SERINC5: variants seen among roughly 807,000 people sequenced by gnomAD.
SERINC5 encodes serine incorporator 5.
In SERINC5, 41 loss-of-function variants were observed where a neutral mutation model predicts 63.1. That is an observed-to-expected ratio of 0.65 (90% CI 0.51 to 0.84). The LOEUF (loss-of-function observed/expected upper bound fraction) is 0.84. SERINC5 is among the 40% of genes least tolerant of loss of function. The pLI, the probability that SERINC5 is intolerant of heterozygous loss-of-function variation, is 0.00. For missense variants in SERINC5, 523 were observed against 573.0 expected (o/e 0.91, Z 0.89); for synonymous variants, 222 against 215.2 (o/e 1.03, Z -0.28).
chr5:80,119,058 C>T (rs528003947), intron 11 of SERINC5, among the ~76,000 whole-genome samples: 4 of 152,242 alleles, frequency 2.6e-5, no homozygotes, highest in African/African-American at 9.6e-5. Flanking sequence ...ACCAGCCCCA[C>T]CATCACTCAC....
At chr5:80,199,135 T>C (rs569783200) in intron 2 of SERINC5, among the ~76,000 whole-genome samples, 2 of 152,300 alleles carry the variant, frequency 1.3e-5, no homozygotes, top group African/African-American at 4.8e-5. Context: ...CTGCAAGATG[T>C]GGTCATTTCA....
chr5:80,239,323 A>T (rs1351477845), intron 1 of SERINC5, among the ~76,000 whole-genome samples: 3 of 152,160 alleles, frequency 2.0e-5, no homozygotes, highest in Non-Finnish European at 2.9e-5. Flanking sequence ...AAACTGCCTG[A>T]CCATTATCCT....
At chr5:80,117,580 T>C (rs1399064812) in intron 11 of SERINC5, among the ~76,000 whole-genome samples, 1 of 150,086 alleles carries the variant, frequency 6.7e-6, no homozygotes. Flanking sequence ...TTGAATTATA[T>C]GCTGCCTTGT....
At chr5:80,198,238 C>T (rs1749626626) in intron 2 of SERINC5, among the ~76,000 whole-genome samples, 1 of 152,068 alleles carries the variant, frequency 6.6e-6, no homozygotes, top group Admixed American at 6.6e-5. Context: ...AATAAATAGC[C>T]CTTATGTTTT....
At chr5:80,160,940 A>G (rs1026463609) in intron 7 of SERINC5, among the ~76,000 whole-genome samples, 1 of 140,822 alleles carries the variant, frequency 7.1e-6, no homozygotes, top group Non-Finnish European at 1.5e-5. Flanking sequence ...GTGTGTATAT[A>G]TATGTGTATA....
intron 2 of SERINC5, among the ~76,000 whole-genome samples, chr5:80,178,764 C>T (rs1748223474): frequency 6.8e-6 from 1 of 148,144 alleles, no homozygotes; most frequent in Non-Finnish European, 1.5e-5. Flanking sequence ...ACTTCTTTTA[C>T]TATCCACCCA....
At chr5:80,192,515 GGAGA>G (rs1054090789) in intron 2 of SERINC5, among the ~76,000 whole-genome samples, 16 of 152,172 alleles carry the variant, frequency 1.1e-4, no homozygotes, top group African/African-American at 3.9e-4. Context: ...GGGAAGGAAT[GGAGA>G]GAGAATGTGT....
chr5:80,173,718 C>T (rs1247779717), intron 5 of SERINC5, among the ~76,000 whole-genome samples: 3 of 152,132 alleles, frequency 2.0e-5, no homozygotes, highest in African/African-American at 7.2e-5. Context: ...GAGGATCCAG[C>T]TCCTTGCTAC....
intron 8 of SERINC5, among the ~76,000 whole-genome samples, chr5:80,152,434 G>C (rs1267637490): frequency 2.0e-5 from 3 of 150,586 alleles, no homozygotes; most frequent in East Asian, 3.9e-4. Context: ...CTGGGAGGTT[G>C]TAGTGAGCAT....
chr5:80,118,544 CT>C (rs567887422), intron 11 of SERINC5, among the ~76,000 whole-genome samples: 2 of 151,576 alleles, frequency 1.3e-5, no homozygotes, highest in Admixed American at 6.6e-5. Flanking sequence ...CTTCTAGTCT[CT>C]TTTTTTTCTT....
At chr5:80,253,769 T>G (rs895761515) in intron 1 of SERINC5, among the ~76,000 whole-genome samples, 2 of 152,152 alleles carry the variant, frequency 1.3e-5, no homozygotes, top group Admixed American at 1.3e-4. Context: ...TTTCATTGTT[T>G]ACATGTTTAT....
At chr5:80,215,348 C>A (rs1401990608) in intron 1 of SERINC5, among the ~76,000 whole-genome samples, 1 of 152,174 alleles carries the variant, frequency 6.6e-6, no homozygotes, top group Non-Finnish European at 1.5e-5. Context: ...TTGGAAGCTT[C>A]CTGAGGCCTC....
chr5:80,174,074 T>C (rs1292929572), intron 5 of SERINC5, among the ~76,000 whole-genome samples: 1 of 151,822 alleles, frequency 6.6e-6, no homozygotes, highest in Non-Finnish European at 1.5e-5. Flanking sequence ...AGAACAAGCA[T>C]TAAAAGGGGC....
At chr5:80,224,163 G>A (rs182248269) in intron 1 of SERINC5, among the ~76,000 whole-genome samples, 94 of 144,486 alleles carry the variant, frequency 6.5e-4, no homozygotes, top group African/African-American at 2.2e-3. Flanking sequence ...AAAAGAAAAA[G>A]AAAAGTCAGA....
intron 5 of SERINC5, among the ~76,000 whole-genome samples, chr5:80,172,328 A>C (rs1331577410): frequency 6.6e-6 from 1 of 152,166 alleles, no homozygotes; most frequent in Non-Finnish European, 1.5e-5. Flanking sequence ...CTCACACAAA[A>C]AGGGAAATTG....
chr5:80,227,857 G>GA (rs976052603), intron 1 of SERINC5, among the ~76,000 whole-genome samples: 30 of 151,658 alleles, frequency 2.0e-4, no homozygotes, highest in Non-Finnish European at 3.1e-4. Context: ...TTACAAAAAA[G>GA]AAAAAACCTG....
intron 1 of SERINC5, among the ~76,000 whole-genome samples, chr5:80,248,283 T>C (rs930630547): frequency 6.6e-6 from 1 of 152,130 alleles, no homozygotes; most frequent in Non-Finnish European, 1.5e-5. Flanking sequence ...AAGTCAAATA[T>C]AGGTGACTTG....
chr5:80,163,719 C>T (rs557363064), intron 7 of SERINC5, among the ~76,000 whole-genome samples: 1 of 152,196 alleles, frequency 6.6e-6, no homozygotes, highest in South Asian at 2.1e-4. Context: ...TGGTATAATA[C>T]CCACTTGATC....
intron 9 of SERINC5, among the ~76,000 whole-genome samples, 173 bp from the exon 10 acceptor site, chr5:80,147,457 CCA>C (rs1177755312): frequency 2.0e-5 from 3 of 152,198 alleles, no homozygotes; most frequent in Admixed American, 6.5e-5. Flanking sequence ...GGGAGATGTG[CCA>C]CAGAGATCCT....
Sources: gnomAD v4.1 joint callset for allele counts (sites outside exome capture counted in the v4.1 genomes callset) on GRCh38, gnomAD v4.1.1 for gene constraint, MANE v1.5 for transcripts, NCBI Gene and HGNC (gene_info 2026-07-23, HGNC 2026-07-21) for gene names.